L3MBTL4: variants seen among roughly 807,000 people sequenced by gnomAD.
L3MBTL4 encodes the protein L3MBTL histone methyl-lysine binding protein 4.
A neutral mutation model predicts 84.5 loss-of-function variants in L3MBTL4; 70 were observed. The ratio of observed to expected loss-of-function variants is 0.83; its 90% CI spans 0.68 to 1.01. The LOEUF is 1.01. Ranked by LOEUF, L3MBTL4 falls within the 50% of genes least tolerant of loss-of-function variation. The pLI is 0.00. For synonymous variants in L3MBTL4, 274 were observed against 259.8 expected (o/e 1.05, Z -0.52); for missense variants, 715 against 754.8 (o/e 0.95, Z 0.62).
intron 10 of L3MBTL4, among the ~76,000 whole-genome samples, chr18:6,236,703 T>A (rs572211133): frequency 6.6e-6 from 1 of 152,222 alleles, no homozygotes; most frequent in African/African-American, 2.4e-5. Flanking sequence ...CAAATCTCTC[T>A]ATATATCAAA....
At chr18:6,182,757 T>C (rs186849774) in intron 12 of L3MBTL4, among the ~76,000 whole-genome samples, 8 of 151,872 alleles carry the variant, frequency 5.3e-5, no homozygotes, top group Admixed American at 5.2e-4. Flanking sequence ...CTTCTGCATA[T>C]GGCTAGCCAG....
chr18:6,154,945 G>T (rs2043041445), intron 13 of L3MBTL4, among the ~76,000 whole-genome samples: 1 of 152,044 alleles, frequency 6.6e-6, no homozygotes, highest in South Asian at 2.1e-4. Flanking sequence ...TGACTTCAAA[G>T]AAAATTACGG....
chr18:6,329,400 G>A (rs568536458), intron 1 of L3MBTL4, among the ~76,000 whole-genome samples: 5 of 151,826 alleles, frequency 3.3e-5, no homozygotes, highest in South Asian at 2.1e-4. Context: ...CGATCCACCC[G>A]CCTCAGCCTC....
intron 16 of L3MBTL4, among the ~76,000 whole-genome samples, chr18:6,001,636 A>G (rs1410890304): frequency 1.3e-5 from 2 of 152,194 alleles, no homozygotes; most frequent in Non-Finnish European, 2.9e-5. Flanking sequence ...AAAAATCAAC[A>G]GAAAAATAAC....
chr18:6,248,954 C>G (rs1232823102), intron 5 of L3MBTL4, among the ~76,000 whole-genome samples: 1 of 152,082 alleles, frequency 6.6e-6, no homozygotes, highest in Non-Finnish European at 1.5e-5. Context: ...TTAGAAGCTT[C>G]TAAGGAAAAA....
chr18:6,243,104 G>GT (rs1163423504), intron 7 of L3MBTL4, among the ~76,000 whole-genome samples, 190 bp downstream of exon 7: 5 of 152,130 alleles, frequency 3.3e-5, no homozygotes, highest in Middle Eastern at 3.4e-3. Flanking sequence ...AGTCATTTAT[G>GT]CTTTTCTTTA....
intron 13 of L3MBTL4, among the ~76,000 whole-genome samples, chr18:6,155,033 C>A (rs2043045675): frequency 6.6e-6 from 1 of 152,104 alleles, no homozygotes; most frequent in Admixed American, 6.6e-5. Flanking sequence ...TTCTTTTACT[C>A]TGTTTTATAA....
intron 4 of L3MBTL4, among the ~76,000 whole-genome samples, chr18:6,288,543 C>T (rs185092581): frequency 6.6e-6 from 1 of 151,998 alleles, no homozygotes; most frequent in Non-Finnish European, 1.5e-5. Flanking sequence ...ATGAACCCAG[C>T]CTAAAACAAA....
At chr18:6,229,835 A>C (rs1045144304) in intron 10 of L3MBTL4, among the ~76,000 whole-genome samples, 1 of 152,080 alleles carries the variant, frequency 6.6e-6, no homozygotes, top group Non-Finnish European at 1.5e-5. Flanking sequence ...TCTCTATTCC[A>C]TCTCTATCCC....
chr18:6,317,519 G>T (rs905939952), intron 1 of L3MBTL4, among the ~76,000 whole-genome samples: 1 of 152,062 alleles, frequency 6.6e-6, no homozygotes, highest in African/African-American at 2.4e-5. Flanking sequence ...AGAGCTCGAA[G>T]ATAAGGCTTT....
intron 16 of L3MBTL4, among the ~76,000 whole-genome samples, chr18:5,974,144 C>G (rs1327262300): frequency 6.6e-6 from 1 of 152,148 alleles, no homozygotes; most frequent in Non-Finnish European, 1.5e-5. Flanking sequence ...GTTTTGCTAC[C>G]ATTTTCCTTG....
chr18:6,116,807 T>C (rs572562985), intron 14 of L3MBTL4, among the ~76,000 whole-genome samples: 5 of 152,256 alleles, frequency 3.3e-5, no homozygotes, highest in Non-Finnish European at 5.9e-5. Flanking sequence ...AGCAAATACC[T>C]GTGTAGCCAG....
chr18:6,276,432 T>G (rs2049080863), intron 4 of L3MBTL4, among the ~76,000 whole-genome samples: 1 of 152,174 alleles, frequency 6.6e-6, no homozygotes, highest in Non-Finnish European at 1.5e-5. Flanking sequence ...GATATGGTTC[T>G]TGCCCCTAAA....
At chr18:6,156,852 C>T (rs951465395) in intron 13 of L3MBTL4, among the ~76,000 whole-genome samples, 1 of 152,130 alleles carries the variant, frequency 6.6e-6, no homozygotes, top group East Asian at 1.9e-4. Context: ...ACTGCTATGC[C>T]ACACTGCATC....
intron 14 of L3MBTL4, among the ~76,000 whole-genome samples, chr18:6,100,127 C>T (rs1220459670): frequency 6.6e-6 from 1 of 152,102 alleles, no homozygotes; most frequent in Non-Finnish European, 1.5e-5. Flanking sequence ...TCATTCAACT[C>T]CTCTGTTTTT....
intron 1 of L3MBTL4, among the ~76,000 whole-genome samples, chr18:6,404,502 C>T (rs17412260): frequency 0.16 from 23,921 of 151,986 alleles, 1,915 homozygotes; most frequent in African/African-American, 0.17. Flanking sequence ...ATTTTTAGTC[C>T]GAGAAGCTCT....
intron 16 of L3MBTL4, among the ~76,000 whole-genome samples, chr18:5,984,028 C>T (rs960422447): frequency 6.6e-6 from 1 of 152,180 alleles, no homozygotes; most frequent in Non-Finnish European, 1.5e-5. Context: ...TCTCCTGCCT[C>T]AGCCTCCCAA....
intron 1 of L3MBTL4, among the ~76,000 whole-genome samples, chr18:6,337,690 T>C (rs1201791933): frequency 6.6e-6 from 1 of 152,130 alleles, no homozygotes; most frequent in Non-Finnish European, 1.5e-5. Flanking sequence ...TGGATGTGTT[T>C]ACTTTGTGAA....
intron 10 of L3MBTL4, among the ~76,000 whole-genome samples, chr18:6,229,912 G>T (rs1159635863): frequency 2.0e-5 from 3 of 152,128 alleles, no homozygotes; most frequent in African/African-American, 7.2e-5. Context: ...GGAAGTGTGA[G>T]TCCTCCAACT....
Sources: gnomAD v4.1 joint callset for allele counts (sites outside exome capture counted in the v4.1 genomes callset) on GRCh38, gnomAD v4.1.1 for gene constraint, MANE v1.5 for transcripts, NCBI Gene and HGNC (gene_info 2026-07-23, HGNC 2026-07-21) for gene names.